The following TMPRSS15 variants were observed in gnomAD, a reference collection of about 807,000 sequenced individuals.
TMPRSS15 encodes the protein transmembrane serine protease 15, also known as enteropeptidase.
A neutral mutation model predicts 125.3 loss-of-function variants in TMPRSS15; 128 were observed. The ratio of observed to expected loss-of-function variants is 1.02; its 90% CI spans 0.89 to 1.18. The LOEUF (loss-of-function observed/expected upper bound fraction) is 1.18. Among genes scored for constraint, TMPRSS15 ranks in the 50% most tolerant of loss-of-function variants. The probability of loss-of-function intolerance (pLI) is 0.00; values close to 1 mark genes in which losing one functional copy is unlikely to be tolerated. For missense variants in TMPRSS15, 1,283 were observed against 1,212.7 expected, an observed-to-expected ratio of 1.06 and a Z score of -0.86; for synonymous variants, 446 against 423.2, an observed-to-expected ratio of 1.05 and a Z score of -0.66.
At chr21:18,314,327 G>A (rs1322379812) in intron 17 of TMPRSS15, among the ~76,000 whole-genome samples, 5 of 152,118 alleles carry the variant, frequency 3.3e-5, no homozygotes, top group Admixed American at 3.3e-4. Context: ...AACAAAGGCT[G>A]GAGTGCAATG....
intron 1 of TMPRSS15, among the ~76,000 whole-genome samples, chr21:18,413,801 C>G (rs753671452): frequency 6.6e-5 from 10 of 151,904 alleles, no homozygotes; most frequent in South Asian, 2.1e-4. Flanking sequence ...GATCATAGCT[C>G]ACTGCAGCCT....
chr21:18,392,803 G>A (rs1408164597), intron 3 of TMPRSS15, among the ~76,000 whole-genome samples: 1 of 152,184 alleles, frequency 6.6e-6, no homozygotes, highest in Non-Finnish European at 1.5e-5. Context: ...TGAAGAAGCA[G>A]CAAGTACTTT....
chr21:18,331,704 T>A (rs918649363), intron 14 of TMPRSS15, among the ~76,000 whole-genome samples: 12 of 152,220 alleles, frequency 7.9e-5, no homozygotes, highest in Admixed American at 7.9e-4. Flanking sequence ...TGCAAACTTG[T>A]TAAACACACT....
At chr21:18,311,363 T>C (rs973120311) in intron 18 of TMPRSS15, among the ~76,000 whole-genome samples, 3 of 152,098 alleles carry the variant, frequency 2.0e-5, no homozygotes, top group African/African-American at 2.4e-5. Flanking sequence ...AACCAGAATA[T>C]ATAAAGAGCT....
intron 1 of TMPRSS15, among the ~76,000 whole-genome samples, chr21:18,436,381 C>A (rs1012796726): frequency 4.6e-5 from 7 of 151,906 alleles, no homozygotes; most frequent in African/African-American, 9.7e-5. Flanking sequence ...GCCTTCATTT[C>A]GTTATGTACC....
At chr21:18,366,132 C>A (rs369586893) in intron 6 of TMPRSS15, among the ~76,000 whole-genome samples, 1 of 152,208 alleles carries the variant, frequency 6.6e-6, no homozygotes, top group African/African-American at 2.4e-5. Flanking sequence ...TTGAAAACTG[C>A]CAGTTCAGAC....
intron 17 of TMPRSS15, among the ~76,000 whole-genome samples, chr21:18,314,534 T>C (rs28532285): frequency 0.025 from 3,841 of 152,224 alleles, 78 homozygotes; most frequent in Middle Eastern, 0.037. Flanking sequence ...CACCTCGGCC[T>C]CCCAAAGTGC....
intron 24 of TMPRSS15, among the ~76,000 whole-genome samples, chr21:18,274,146 G>A (rs2083042363): frequency 6.6e-6 from 1 of 152,046 alleles, no homozygotes; most frequent in African/African-American, 2.4e-5. Flanking sequence ...TTCAAATATA[G>A]AAAATATGCC....
intron 3 of TMPRSS15, among the ~76,000 whole-genome samples, chr21:18,384,932 T>G (rs929096965): frequency 2.2e-4 from 33 of 152,170 alleles, no homozygotes; most frequent in African/African-American, 7.5e-4. Context: ...TGACTGGATA[T>G]AGAACTAGAA....
intron 1 of TMPRSS15, among the ~76,000 whole-genome samples, chr21:18,479,212 G>A (rs1168421738): frequency 6.6e-6 from 1 of 151,814 alleles, no homozygotes; most frequent in Non-Finnish European, 1.5e-5. Context: ...TATGTCCATG[G>A]CCCTTAAAGT....
At chr21:18,374,266 G>A (rs996706358) in intron 5 of TMPRSS15, among the ~76,000 whole-genome samples, 9 of 151,614 alleles carry the variant, frequency 5.9e-5, no homozygotes, top group African/African-American at 2.2e-4. Flanking sequence ...GAGGTCAGGA[G>A]ATCGAGACCA....
intron 21 of TMPRSS15, 67 bp downstream of exon 21, chr21:18,294,203 A>G: frequency 6.3e-7 from 1 of 1,590,310 alleles, no homozygotes; most frequent in Non-Finnish European, 8.6e-7. Context: ...GCTGCATGAA[A>G]TGGGACGCTT....
At chr21:18,410,834 A>T (rs557865704) in intron 1 of TMPRSS15, among the ~76,000 whole-genome samples, 1 of 152,254 alleles carries the variant, frequency 6.6e-6, no homozygotes, top group African/African-American at 2.4e-5. Context: ...CTAAAGAACT[A>T]AAGACTATGC....
At chr21:18,452,385 T>C (rs2123258388) in intron 1 of TMPRSS15, among the ~76,000 whole-genome samples, 1 of 152,264 alleles carries the variant, frequency 6.6e-6, no homozygotes, top group Non-Finnish European at 1.5e-5. Flanking sequence ...AAAATTAGGC[T>C]GGGTATGGCA....
chr21:18,414,216 C>T (rs961076565), intron 1 of TMPRSS15, among the ~76,000 whole-genome samples: 4 of 152,046 alleles, frequency 2.6e-5, no homozygotes, highest in Admixed American at 6.6e-5. Flanking sequence ...CACCACTGCA[C>T]ATATTTAATG....
chr21:18,432,297 T>A (rs148039328), intron 1 of TMPRSS15, among the ~76,000 whole-genome samples: 8 of 152,330 alleles, frequency 5.3e-5, no homozygotes, highest in African/African-American at 1.9e-4. Flanking sequence ...TATGTCTTCA[T>A]CAATTTCCTG....
chr21:18,407,103 T>C (rs1404049046), upstream of TMPRSS15, among the ~76,000 whole-genome samples: 1 of 152,162 alleles, frequency 6.6e-6, no homozygotes, highest in Non-Finnish European at 1.5e-5. Context: ...ATTCTGTGGA[T>C]AAGAGTGTAC....
At chr21:18,461,070 T>A (rs1440403470) in intron 1 of TMPRSS15, among the ~76,000 whole-genome samples, 1 of 152,268 alleles carries the variant, frequency 6.6e-6, no homozygotes, top group East Asian at 1.9e-4. Context: ...AAAAATTACA[T>A]TTGTCTTATC....
At chr21:18,372,610 A>G (rs2075803113) in intron 5 of TMPRSS15, among the ~76,000 whole-genome samples, 1 of 152,228 alleles carries the variant, frequency 6.6e-6, no homozygotes, top group African/African-American at 2.4e-5. Flanking sequence ...GGCTTAAGTC[A>G]AGGTTTCCAT....
Sources: gnomAD v4.1 joint callset for allele counts (sites outside exome capture counted in the v4.1 genomes callset) on GRCh38, gnomAD v4.1.1 for gene constraint, MANE v1.5 for transcripts, NCBI Gene and HGNC (gene_info 2026-07-23, HGNC 2026-07-21) for gene names.